AGO3: variants seen among roughly 807,000 people sequenced by gnomAD.
AGO3 encodes argonaute RISC catalytic component 3.
Under a neutral mutation model 105.5 loss-of-function variants are expected in AGO3, and 16 were observed. That is an observed-to-expected ratio of 0.15 (90% CI 0.10 to 0.23). The LOEUF is 0.23. Among genes scored for constraint, AGO3 ranks in the 10% least tolerant of loss-of-function variants. The pLI is 1.00. For synonymous variants in AGO3, 340 were observed against 367.3 expected, an observed-to-expected ratio of 0.93 and a Z score of 0.85; for missense variants, 534 against 1,088.0, an observed-to-expected ratio of 0.49 and a Z score of 7.16.
intron 11 of AGO3, among the ~76,000 whole-genome samples, chr1:36,021,096 CTA>C (rs1641195335): frequency 6.6e-6 from 1 of 151,950 alleles, no homozygotes; most frequent in Non-Finnish European, 1.5e-5. Context: ...CCATGCCTGG[CTA>C]ATTTTTTGTA....
chr1:35,984,656 G>A (rs1022586804), intron 5 of AGO3: 6 of 152,146 alleles, frequency 3.9e-5, no homozygotes, highest in South Asian at 4.1e-4. Context: ...CTGTTAGAAC[G>A]AAAGCTCCAT....
At chr1:35,995,238 T>TA (rs1648204500) in intron 5 of AGO3, among the ~76,000 whole-genome samples, 1 of 134,390 alleles carries the variant, frequency 7.4e-6, no homozygotes, top group Admixed American at 7.3e-5. Flanking sequence ...ATATATATAT[T>TA]ATATAAAATT....
intron 2 of AGO3, among the ~76,000 whole-genome samples, chr1:35,957,436 T>C (rs1646589560): frequency 6.6e-6 from 1 of 151,910 alleles, no homozygotes; most frequent in African/African-American, 2.4e-5. Flanking sequence ...AGTGAAATGC[T>C]CTGTATGAGC....
intron 2 of AGO3, among the ~76,000 whole-genome samples, chr1:35,957,680 T>A (rs1458440228): frequency 6.7e-6 from 1 of 149,242 alleles, no homozygotes; most frequent in African/African-American, 2.5e-5. Context: ...GAGCAGAGAT[T>A]GTGCCACTGC....
intron 12 of AGO3, among the ~76,000 whole-genome samples, chr1:36,032,210 C>T (rs1641811493): frequency 6.6e-6 from 1 of 152,030 alleles, no homozygotes; most frequent in Admixed American, 6.6e-5. Flanking sequence ...CATCCTTGCC[C>T]CAATGTTTGT....
At chr1:35,969,749 A>G (rs1200536892) in intron 3 of AGO3, among the ~76,000 whole-genome samples, 2 of 152,202 alleles carry the variant, frequency 1.3e-5, no homozygotes, top group Non-Finnish European at 2.9e-5. Flanking sequence ...TGAATGGTAT[A>G]GCTTACTACA....
At chr1:35,995,153 G>C (rs1385205545) in intron 5 of AGO3, among the ~76,000 whole-genome samples, 1 of 146,428 alleles carries the variant, frequency 6.8e-6, no homozygotes, top group Non-Finnish European at 1.5e-5. Context: ...GTGAGCCGAG[G>C]TATCACCACT....
intron 11 of AGO3, among the ~76,000 whole-genome samples, chr1:36,021,565 C>T (rs566053298): frequency 6.6e-6 from 1 of 152,050 alleles, no homozygotes; most frequent in Non-Finnish European, 1.5e-5. Context: ...TAAAATAAGC[C>T]TGTTTATTAT....
chr1:35,989,578 A>G (rs1647421617), intron 5 of AGO3, among the ~76,000 whole-genome samples: 1 of 152,210 alleles, frequency 6.6e-6, no homozygotes, highest in Non-Finnish European at 1.5e-5. Flanking sequence ...CACAGATTTT[A>G]AGACCATCAT....
At chr1:36,050,787 A>T (rs905111121) in intron 17 of AGO3, among the ~76,000 whole-genome samples, 1 of 134,978 alleles carries the variant, frequency 7.4e-6, no homozygotes, top group East Asian at 3.0e-4. Flanking sequence ...GTGGGACTCT[A>T]TCTCAAAAAA....
chr1:35,934,395 T>G (rs1646111144), intron 1 of AGO3, among the ~76,000 whole-genome samples: 1 of 152,242 alleles, frequency 6.6e-6, no homozygotes, highest in Admixed American at 6.5e-5. Flanking sequence ...GACTGTTTCT[T>G]TCTTATTTAC....
At chr1:35,968,180 A>G (rs903482081) in intron 3 of AGO3, among the ~76,000 whole-genome samples, 1 of 152,180 alleles carries the variant, frequency 6.6e-6, no homozygotes, top group Non-Finnish European at 1.5e-5. Flanking sequence ...CAGTTGATTA[A>G]ATTGGTGTCT....
rs1422364512 is a variant in AGO3, at chr1:36,057,475, A to G, written c.*1730A>G. 6.6e-6 allele frequency: 1 copy of G among 152,148 alleles called. No individual in the cohort carries two copies. Among genetic ancestry groups the G allele is most frequent in the East Asian group, 1.9e-4 (1 of 5,196 alleles). 9.4% of individuals were successfully genotyped at this position (152,148 alleles called of 1,614,324 possible). ...TATTGGCAGCATCTTTTATAGAAAT[A>G]TAATCATGTTTATTTTAAGAACTGA... On this transcript the variant is annotated 3_prime_UTR_variant, in exon 19 of 19. Transcript: ENST00000373191.
chr1:36,018,086 T>C (rs1373082917), intron 11 of AGO3, among the ~76,000 whole-genome samples: 1 of 151,350 alleles, frequency 6.6e-6, no homozygotes, highest in African/African-American at 2.4e-5. Context: ...GATCAAACAA[T>C]TGTCCTGCCT....
At chr1:35,978,938 A>G (rs1258445106) in intron 5 of AGO3, among the ~76,000 whole-genome samples, 1 of 152,198 alleles carries the variant, frequency 6.6e-6, no homozygotes, top group East Asian at 1.9e-4. Flanking sequence ...TATTTTCTAG[A>G]AACTCCACAA....
At chr1:35,960,796 C>G (rs566260091) in intron 2 of AGO3, among the ~76,000 whole-genome samples, 7 of 152,006 alleles carry the variant, frequency 4.6e-5, no homozygotes, top group African/African-American at 1.4e-4. Flanking sequence ...AAAAATTGAC[C>G]CGTATACTAT....
At chr1:35,966,906 T>C (rs1398928112) in intron 2 of AGO3, 49 bp from the exon 3 acceptor site, 2 of 1,540,600 alleles carry the variant, frequency 1.3e-6, no homozygotes, top group Admixed American at 2.2e-5. Flanking sequence ...AATATTTTTA[T>C]ATTTCATCTT....
chr1:36,014,947 T>C (rs931854608), intron 11 of AGO3, among the ~76,000 whole-genome samples: 1 of 152,176 alleles, frequency 6.6e-6, no homozygotes, highest in Non-Finnish European at 1.5e-5. Context: ...CAGAACACTC[T>C]TGTGACTAAA....
At chr1:35,987,476 G>A (rs1329557682) in intron 5 of AGO3, among the ~76,000 whole-genome samples, 1 of 151,910 alleles carries the variant, frequency 6.6e-6, no homozygotes, top group Non-Finnish European at 1.5e-5. Flanking sequence ...CTGGGCAACA[G>A]AGTAAGACTC....
Sources: gnomAD v4.1 joint callset for allele counts (sites outside exome capture counted in the v4.1 genomes callset) on GRCh38, gnomAD v4.1.1 for gene constraint, MANE v1.5 for transcripts, NCBI Gene and HGNC (gene_info 2026-07-23, HGNC 2026-07-21) for gene names.